Variants in PDLIM2 observed in about 807,000 individuals in gnomAD.
PDLIM2 encodes PDZ and LIM domain 2.
A neutral mutation model predicts 54.1 loss-of-function variants in PDLIM2; 51 were observed. That is an observed-to-expected ratio of 0.94 (90% CI 0.75 to 1.19). PDLIM2 has a LOEUF of 1.19. Ranked by LOEUF, PDLIM2 falls within the 50% of genes most tolerant of loss-of-function variation. PDLIM2 has a pLI of 0.00. For missense variants in PDLIM2, 912 were observed against 874.0 expected, an observed-to-expected ratio of 1.04 and a Z score of -0.55; for synonymous variants, 398 against 385.6, an observed-to-expected ratio of 1.03 and a Z score of -0.38.
chr8:22,594,404 T>A, downstream of PDLIM2: 7 of 1,562,812 alleles, frequency 4.5e-6, no homozygotes, highest in Non-Finnish European at 6.1e-6. Flanking sequence ...CTTCTTCTTT[T>A]CCCTCCCTCA....
chr8:22,594,762 GT>G, downstream of PDLIM2: 1 of 1,450,940 alleles, frequency 6.9e-7, no homozygotes, highest in Non-Finnish European at 9.1e-7. Flanking sequence ...GGCTTCATTG[GT>G]GATTGATTTG....
intron 6 of PDLIM2, chr8:22,589,094 AG>A: frequency 2.0e-6 from 1 of 495,858 alleles, no homozygotes; most frequent in Middle Eastern, 4.9e-4. Context: ...CCTGGCTCCG[AG>A]GGAAGGGGCA....
intron 9 of PDLIM2, chr8:22,591,994 T>C: frequency 4.8e-6 from 1 of 210,004 alleles, no homozygotes; most frequent in African/African-American, 2.3e-5. Flanking sequence ...CTCTTTCCCC[T>C]TCTTCCCCCT....
Position 22,585,316 on chromosome 8 carries a change from T to C in PDLIM2, c.1212-5T>C, listed in dbSNP as rs1043635128. On this transcript the variant is annotated splice_polypyrimidine_tract_variant and splice_region_variant and intron_variant, in intron 5 of 9. Coordinates refer to ENST00000308354, the Ensembl canonical transcript of PDLIM2. ...TGGCACACACTGTCCCTTTCCCACT[T>C]TCAGCTTCCAGAGTCTGGCATGTTC... The C allele has an allele frequency of 4.3e-6, 7 of 1,612,854 alleles. No homozygotes were observed. The highest frequency in any genetic ancestry group is 5.9e-6 in the Non-Finnish European group (7 of 1,179,866).
intron 8 of PDLIM2, 95 bp from the exon 8 acceptor site, chr8:22,591,456 T>C (rs1800543523): frequency 5.5e-6 from 6 of 1,098,442 alleles, no homozygotes; most frequent in Middle Eastern, 2.0e-4. Context: ...GTTTCTCTTA[T>C]AAGGGTGCTT....
At chr8:22,594,155 T>C in exon 10 of PDLIM2, 1 of 1,417,394 alleles carries the variant, frequency 7.1e-7, no homozygotes, top group Non-Finnish European at 9.2e-7. Context: ...GGCCACTGCC[T>C]TTGATCAACC....
chr8:22,589,882 G>A (rs1800493595), intron 8 of PDLIM2, 141 bp downstream of exon 7: 6 of 1,222,006 alleles, frequency 4.9e-6, no homozygotes, highest in South Asian at 3.1e-5. Flanking sequence ...AGCAGAGCGC[G>A]AAGCCCCAGC....
At position 22,580,341 on chromosome 8, in the gene PDLIM2, G is replaced by T; in HGVS notation, c.749-262G>T. ...AGCCCCCTGCCTGGCAGCCTGGGCA[G>T]CCCCCTCCTGGGAGTCGCTCCCTGG... On this transcript the variant is annotated intron_variant, in intron 1 of 9. Coordinates refer to ENST00000308354, the Ensembl canonical transcript of PDLIM2. 6 of 750,100 alleles carry T rather than the reference G, an allele frequency of 8.0e-6. 1 individual carries two copies. The South Asian group carries it at 9.5e-5, about 12-fold the overall frequency. The allele number at this position is 750,100 out of a possible 1,614,324, so 46.5% of individuals were successfully genotyped here.
intron 5 of PDLIM2, 28 bp from the exon 5 acceptor site, chr8:22,585,293 G>T: frequency 6.2e-7 from 1 of 1,611,722 alleles, no homozygotes; most frequent in South Asian, 1.1e-5. Context: ...GGTGGCCCTG[G>T]CACACACTGT....
At chr8:22,578,768 C>G (rs1257732988) in exon 1 of PDLIM2, 1 of 1,233,746 alleles carries the variant, frequency 8.1e-7, no homozygotes, top group South Asian at 4.1e-5. Context: ...CCACCCTGCC[C>G]AGGACCTGGG....
rs956058228 is a variant in PDLIM2, at chr8:22,589,464, C to T, written c.1367+90C>T. The T allele has an allele frequency of 1.1e-5, 17 of 1,528,746 alleles. No individual in the cohort carries two copies. In the African/African-American group the frequency reaches 1.2e-4, roughly 11 times the overall value. 94.7% of individuals were successfully genotyped at this position (1,528,746 alleles called of 1,614,324 possible). A position where few individuals can be genotyped will look rare whatever the true frequency, so the allele number is the denominator to read the frequency against. On this transcript the variant is annotated intron_variant, in intron 7 of 9. Transcript: ENST00000308354. ...GGGCTTCCCCGAGAGGGATGGGGTC[C>T]CCCAAGCCCAGTTGGCTCCTCCACC...
At chr8:22,579,164 C>T in exon 1 of PDLIM2, 2 of 1,344,342 alleles carry the variant, frequency 1.5e-6, no homozygotes, top group Non-Finnish European at 1.9e-6. Context: ...GCGGTGGCGT[C>T]TCCCCGCCTT....
Position 22,579,260 on chromosome 8 carries a change from GC to G in PDLIM2, c.484del (p.Leu162SerfsTer92). ...CCACCTGCGCCTCTCCGCGCGGCCC[GC>G]CCTCCCCGGCGCCGGGCTCCTCTCC... On this transcript the variant is annotated frameshift_variant, in exon 1 of 10. Coordinates refer to ENST00000308354, the Ensembl canonical transcript of PDLIM2. LOFTEE classifies it high-confidence loss of function. The G allele has an allele frequency of 7.4e-7, 1 of 1,356,398 alleles. No individual in the cohort carries two copies. Among genetic ancestry groups the G allele is most frequent in the Non-Finnish European group, 9.4e-7 (1 of 1,062,018 alleles). The allele number at this position is 1,356,398 out of a possible 1,614,324, so 84.0% of individuals were successfully genotyped here. A position where few individuals can be genotyped will look rare whatever the true frequency, so the allele number is the denominator to read the frequency against.
chr8:22,579,393 T>C (rs1800125554), exon 1 of PDLIM2: 5 of 1,505,680 alleles, frequency 3.3e-6, no homozygotes, highest in South Asian at 1.2e-5. Flanking sequence ...GCCGGAGCGC[T>C]CCTCCTCCAG....
intron 9 of PDLIM2, 65 bp from the exon 9 acceptor site, chr8:22,593,668 C>T: frequency 6.9e-7 from 1 of 1,447,368 alleles, no homozygotes. Flanking sequence ...GACCAGGCCC[C>T]CTGGGCATGG....
exon 7 of PDLIM2, chr8:22,589,321 C>G: frequency 6.5e-7 from 1 of 1,534,278 alleles, no homozygotes; most frequent in Non-Finnish European, 8.7e-7. Flanking sequence ...GCGCTGGCGA[C>G]TCGGCGGTGC....
At chr8:22,595,091 G>T (rs190380103), downstream of PDLIM2, 2 of 156,184 alleles carry the variant, frequency 1.3e-5, no homozygotes, top group Admixed American at 1.2e-4. Flanking sequence ...TGCTGCGGAG[G>T]GGGCAGCCTC....
At chr8:22,593,772 C>CTCTGTGCGG in exon 10 of PDLIM2, 1 of 1,603,846 alleles carries the variant, frequency 6.2e-7, no homozygotes, top group African/African-American at 1.3e-5. Flanking sequence ...GGTACCGCCA[C>CTCTGTGCGG]CCCGGCTGCT....
At chr8:22,589,225 G>T in intron 6 of PDLIM2, 73 bp from the exon 6 acceptor site, 1 of 1,486,846 alleles carries the variant, frequency 6.7e-7, no homozygotes, top group South Asian at 1.2e-5. Flanking sequence ...GGGAACAGCC[G>T]GGCTAGGCCC....
Sources: allele counts gnomAD v4.1 joint callset, GRCh38; gene constraint gnomAD v4.1.1; transcripts MANE v1.5; gene names NCBI Gene and HGNC (gene_info 2026-07-23, HGNC 2026-07-21).